SLC7A14: variants seen among roughly 807,000 people sequenced by gnomAD.
SLC7A14 encodes the protein gamma-aminobutyric acid transporter SLC7A14.
SLC7A14 carries 37 observed loss-of-function variants against 60.2 expected under a neutral mutation model. The observed-to-expected ratio is 0.61, with a 90% CI of 0.47 to 0.81. The LOEUF (loss-of-function observed/expected upper bound fraction) is 0.81, where lower values mean the gene tolerates loss of function less well. SLC7A14 is among the 30% of genes least tolerant of loss of function. The pLI is 0.00. For missense variants in SLC7A14, 886 were observed against 982.7 expected (o/e 0.90, Z 1.32); for synonymous variants, 399 against 395.8 (o/e 1.01, Z -0.10).
chr3:170,556,869 C>T (rs796319337), intron 1 of SLC7A14, among the ~76,000 whole-genome samples: 7 of 152,296 alleles, frequency 4.6e-5, no homozygotes, highest in African/African-American at 1.4e-4. Context: ...ATTTCAAGAT[C>T]TACGTTATTC....
At position 170,486,347 on chromosome 3, in the gene SLC7A14, A is replaced by G; in HGVS notation, c.781T>C (p.Cys261Arg). ...WSGVLQGAAT[C>R]FYAFIGFDII... Reference sequence around the variant, plus strand: ...TCAAAGCCAATGAAAGCGTAGAAGCATGTTGCTGCTCCTTGCAGCACCTGT... The same window carrying G: ...TCAAAGCCAATGAAAGCGTAGAAGCGTGTTGCTGCTCCTTGCAGCACCTGT... The change falls in exon 5 of 8, where the codon TGC (cysteine) becomes CGC (arginine). Residue 261 changes from cysteine (C) to arginine (R), a missense_variant. Transcript: ENST00000231706. The G allele has an allele frequency of 6.2e-7, 1 of 1,614,220 alleles. No homozygotes were observed. The highest frequency in any genetic ancestry group is 8.5e-7 in the Non-Finnish European group (1 of 1,180,034).
chr3:170,550,941 T>C (rs1714331226), intron 1 of SLC7A14, among the ~76,000 whole-genome samples: 1 of 152,120 alleles, frequency 6.6e-6, no homozygotes, highest in South Asian at 2.1e-4. Flanking sequence ...TATTTCAGTG[T>C]TTTTTTAGTA....
chr3:170,536,215 C>A (rs1713835322), intron 1 of SLC7A14, among the ~76,000 whole-genome samples: 1 of 152,172 alleles, frequency 6.6e-6, no homozygotes, highest in African/African-American at 2.4e-5. Flanking sequence ...TTGGAAACCA[C>A]AAAGCAACCT....
chr3:170,584,922 C>T (rs890687437), intron 1 of SLC7A14, among the ~76,000 whole-genome samples: 2 of 152,206 alleles, frequency 1.3e-5, no homozygotes. Context: ...CTCAAGGAAA[C>T]GAGCTTCACA....
chr3:170,520,832 A>G (rs1186309546), intron 2 of SLC7A14, among the ~76,000 whole-genome samples: 1 of 152,188 alleles, frequency 6.6e-6, no homozygotes, highest in Non-Finnish European at 1.5e-5. Flanking sequence ...CCACTACTCA[A>G]ATAAGAGCCT....
At chr3:170,567,579 G>A (rs568124733) in intron 1 of SLC7A14, among the ~76,000 whole-genome samples, 13 of 149,006 alleles carry the variant, frequency 8.7e-5, no homozygotes, top group Middle Eastern at 6.9e-3. Context: ...CTGAGGAATC[G>A]CCACACTGAC....
intron 1 of SLC7A14, among the ~76,000 whole-genome samples, chr3:170,583,793 T>C (rs1242399364): frequency 6.6e-6 from 1 of 152,234 alleles, no homozygotes; most frequent in African/African-American, 2.4e-5. Context: ...TGAAGTTGTG[T>C]GAACAGTGGT....
At chr3:170,491,802 A>G (rs373132257) in intron 4 of SLC7A14, among the ~76,000 whole-genome samples, 2 of 152,126 alleles carry the variant, frequency 1.3e-5, no homozygotes, top group East Asian at 1.9e-4. Context: ...GCTAAATTCA[A>G]CAGGAAGCAA....
intron 4 of SLC7A14, among the ~76,000 whole-genome samples, chr3:170,492,521 C>G (rs559070996): frequency 6.6e-6 from 1 of 152,038 alleles, no homozygotes; most frequent in East Asian, 1.9e-4. Flanking sequence ...AAGTACTGAC[C>G]TTTGTATTTG....
chr3:170,519,404 G>C (rs1271933052), intron 2 of SLC7A14, among the ~76,000 whole-genome samples: 1 of 152,198 alleles, frequency 6.6e-6, no homozygotes, highest in Non-Finnish European at 1.5e-5. Flanking sequence ...AGCCTCAATG[G>C]CTGTGGCCAG....
At chr3:170,565,105 A>G (rs776065906) in intron 1 of SLC7A14, among the ~76,000 whole-genome samples, 7 of 152,190 alleles carry the variant, frequency 4.6e-5, no homozygotes, top group Non-Finnish European at 7.3e-5. Flanking sequence ...AGGCAACTTC[A>G]GTTGTTTCAC....
chr3:170,518,446 C>A (rs1381917011), intron 2 of SLC7A14, among the ~76,000 whole-genome samples: 3 of 152,194 alleles, frequency 2.0e-5, no homozygotes, highest in Non-Finnish European at 4.4e-5. Context: ...TTCTCTTCAT[C>A]CTAAGCTTCC....
intron 2 of SLC7A14, among the ~76,000 whole-genome samples, chr3:170,507,606 G>A (rs1245043118): frequency 1.3e-5 from 2 of 152,170 alleles, no homozygotes; most frequent in East Asian, 3.9e-4. Flanking sequence ...GGCTACTTTC[G>A]AGATTGTGGA....
At position 170,462,803 on chromosome 3, in the gene SLC7A14, A is replaced by T. The variant is rs956862962; in HGVS notation, c.*4252T>A. On this transcript the variant is annotated 3_prime_UTR_variant, in exon 8 of 8. Coordinates refer to ENST00000231706, the MANE Select transcript of SLC7A14 (RefSeq NM_020949.3). Reference sequence around the variant, plus strand: ...TTTACTGTTTAGATTAGATAGATATAAAAAGTTGTTAGGTTTAGTTGTTGA... The same window carrying T: ...TTTACTGTTTAGATTAGATAGATATTAAAAGTTGTTAGGTTTAGTTGTTGA... 2 of 152,208 alleles carry T rather than the reference A, an allele frequency of 1.3e-5. No individual in the cohort carries two copies. Among genetic ancestry groups the T allele is most frequent in the African/African-American group, 4.8e-5 (2 of 41,458 alleles). The allele number at this position is 152,208 out of a possible 1,614,324, so 9.4% of individuals were successfully genotyped here.
intron 2 of SLC7A14, among the ~76,000 whole-genome samples, chr3:170,502,060 G>T (rs1302813079): frequency 1.3e-5 from 2 of 152,086 alleles, no homozygotes; most frequent in African/African-American, 2.4e-5. Flanking sequence ...TGAGAGGAGA[G>T]ATGTGAGACA....
At chr3:170,568,720 C>T (rs1160954893) in intron 1 of SLC7A14, among the ~76,000 whole-genome samples, 3 of 152,138 alleles carry the variant, frequency 2.0e-5, no homozygotes, top group African/African-American at 7.2e-5. Flanking sequence ...TGAAGAGTTC[C>T]TTCACGTCCC....
Position 170,465,899 on chromosome 3 carries a change from TTC to T in SLC7A14, c.*1154_*1155del, listed in dbSNP as rs1408583820. ...AATTTACATCTTACCAGGTAGATATTTCTCTGGGCTTCAGTGAAACTACTCTG... is the reference window on the plus strand; with the variant it reads ...AATTTACATCTTACCAGGTAGATATTTCTGGGCTTCAGTGAAACTACTCTG... On this transcript the variant is annotated 3_prime_UTR_variant, in exon 8 of 8. Coordinates refer to ENST00000231706, the MANE Select transcript of SLC7A14 (RefSeq NM_020949.3). The T allele has an allele frequency of 6.6e-6, 1 of 152,140 alleles. No homozygotes were observed. The highest frequency in any genetic ancestry group is 1.5e-5 in the Non-Finnish European group (1 of 68,026). The allele number at this position is 152,140 out of a possible 1,614,324, so 9.4% of individuals were successfully genotyped here.
At chr3:170,492,326 T>C (rs1235993297) in intron 4 of SLC7A14, among the ~76,000 whole-genome samples, 1 of 152,182 alleles carries the variant, frequency 6.6e-6, no homozygotes, top group Non-Finnish European at 1.5e-5. Context: ...TTTAATGTTT[T>C]GCAAAATTAA....
intron 1 of SLC7A14, among the ~76,000 whole-genome samples, chr3:170,550,465 C>G (rs145693339): frequency 4.2e-5 from 6 of 142,492 alleles, no homozygotes; most frequent in Middle Eastern, 3.9e-3. Flanking sequence ...AAATGGTAAA[C>G]GACTCTTGTA....
Sources: gnomAD v4.1 joint callset for allele counts (sites outside exome capture counted in the v4.1 genomes callset) on GRCh38, gnomAD v4.1.1 for gene constraint, MANE v1.5 for transcripts, NCBI Gene and HGNC (gene_info 2026-07-23, HGNC 2026-07-21) for gene names.